MSI2: variants seen among roughly 807,000 people sequenced by gnomAD.
MSI2 encodes RNA-binding protein Musashi homolog 2.
In MSI2, 17 loss-of-function variants were observed where a neutral mutation model predicts 45.6. That is an observed-to-expected ratio of 0.37 (90% CI 0.26 to 0.56). The LOEUF is 0.56. Ranked by LOEUF, MSI2 falls within the 20% of genes least tolerant of loss-of-function variation. The probability of loss-of-function intolerance (pLI) is 0.77; values close to 1 mark genes in which losing one functional copy is unlikely to be tolerated. For missense variants in MSI2, 293 were observed against 444.2 expected, an observed-to-expected ratio of 0.66 and a Z score of 3.06; for synonymous variants, 156 against 158.2, an observed-to-expected ratio of 0.99 and a Z score of 0.11.
At chr17:57,309,710 T>G (rs1195684549) in intron 5 of MSI2, among the ~76,000 whole-genome samples, 1 of 152,206 alleles carries the variant, frequency 6.6e-6, no homozygotes. Context: ...CGTGTCAGTT[T>G]CCTGAGATCC....
intron 6 of MSI2, among the ~76,000 whole-genome samples, chr17:57,496,119 G>A (rs1422436966): frequency 6.6e-6 from 1 of 152,162 alleles, no homozygotes; most frequent in African/African-American, 2.4e-5. Flanking sequence ...ACAGAGATCT[G>A]GGGCTTAATT....
At chr17:57,469,531 G>T (rs184062293) in intron 6 of MSI2, among the ~76,000 whole-genome samples, 7 of 152,320 alleles carry the variant, frequency 4.6e-5, no homozygotes, top group Admixed American at 3.9e-4. Flanking sequence ...TGTGGTTGGA[G>T]GTGAGGAAAG....
At chr17:57,269,240 A>T (rs1908124156) in intron 5 of MSI2, among the ~76,000 whole-genome samples, 1 of 152,172 alleles carries the variant, frequency 6.6e-6, no homozygotes, top group African/African-American at 2.4e-5. Flanking sequence ...TGAGGCTTGC[A>T]AAGTAGGTTG....
Position 57,683,886 on chromosome 17 carries a change from T to C in MSI2, c.*4369T>C, listed in dbSNP as rs1913766006. ...CACTACACAAGGAGACGCTGGAAGT[T>C]AAGCAATACTTTAATACTGTAATAT... is the stretch of plus-strand genomic sequence containing the variant. On this transcript the variant is annotated 3_prime_UTR_variant, in exon 14 of 14. Coordinates refer to ENST00000284073, the MANE Select transcript of MSI2 (RefSeq NM_138962.4). The surrounding 1 kb of genome is among the most constrained non-coding windows in gnomAD (Gnocchi z 5.2). The C allele has an allele frequency of 4.3e-6, 1 of 231,618 alleles. No individual in the cohort carries two copies. Among genetic ancestry groups the C allele is most frequent in the Non-Finnish European group, 8.5e-6 (1 of 117,102 alleles). 14.3% of individuals were successfully genotyped at this position (231,618 alleles called of 1,614,324 possible).
chr17:57,330,319 C>G (rs1472336319), intron 5 of MSI2, among the ~76,000 whole-genome samples: 1 of 150,168 alleles, frequency 6.7e-6, no homozygotes, highest in Non-Finnish European at 1.5e-5. Flanking sequence ...GAGTCTCACT[C>G]TGTTGTCCAG....
intron 5 of MSI2, among the ~76,000 whole-genome samples, chr17:57,296,175 CT>C (rs1910939935): frequency 6.6e-6 from 1 of 151,490 alleles, no homozygotes. Flanking sequence ...GTTGGTTGCC[CT>C]GAGATTATTA....
In MSI2 at chr17:57,355,841, A is replaced by G. The variant is rs556556750; in HGVS notation, c.313-45538A>G. Among the ~76,000 whole-genome samples, 3 of 152,334 alleles carry G rather than the reference A, an allele frequency of 2.0e-5. No individual in the cohort carries two copies. In the South Asian group the frequency reaches 6.2e-4, roughly 32 times the overall value. On this transcript the variant is annotated intron_variant, in intron 5 of 13. Transcript: ENST00000284073. ...GCATCAACTAAGATATCCATCAAAT[A>G]CTTTGGAAGATGTAAAGTGGCATTT...
chr17:57,532,652 A>T (rs2086845434), intron 7 of MSI2, among the ~76,000 whole-genome samples: 1 of 152,264 alleles, frequency 6.6e-6, no homozygotes, highest in South Asian at 2.1e-4. Flanking sequence ...AGCACAAGGA[A>T]GTAAAATCCT....
At chr17:57,313,375 G>A (rs1005656665) in intron 5 of MSI2, among the ~76,000 whole-genome samples, 3 of 152,170 alleles carry the variant, frequency 2.0e-5, no homozygotes, top group African/African-American at 7.2e-5. Context: ...TTTAGTCACC[G>A]CTGCCTTTTG....
At chr17:57,490,831 A>G (rs777463475) in intron 6 of MSI2, among the ~76,000 whole-genome samples, 7 of 152,230 alleles carry the variant, frequency 4.6e-5, no homozygotes, top group Non-Finnish European at 8.8e-5. Context: ...TGAGTAGCTG[A>G]CATGCCTTCT....
intron 5 of MSI2, among the ~76,000 whole-genome samples, chr17:57,369,828 T>C (rs1028312487): frequency 3.3e-5 from 5 of 152,216 alleles, no homozygotes; most frequent in African/African-American, 1.2e-4. Flanking sequence ...AATCCTGGTG[T>C]TCAGGCCTCA....
At chr17:57,589,340 A>T (rs187310202) in intron 7 of MSI2, among the ~76,000 whole-genome samples, 5 of 152,124 alleles carry the variant, frequency 3.3e-5, no homozygotes, top group Admixed American at 2.0e-4. Flanking sequence ...GAACATACTG[A>T]TCTTCTGAGT....
At chr17:57,284,899 C>T (rs1283737975) in intron 5 of MSI2, among the ~76,000 whole-genome samples, 1 of 148,130 alleles carries the variant, frequency 6.8e-6, no homozygotes, top group African/African-American at 2.6e-5. Context: ...ATTAAAATGA[C>T]CTTTTTTTTT....
chr17:57,432,207 G>A (rs549337487), intron 6 of MSI2, among the ~76,000 whole-genome samples: 1 of 152,316 alleles, frequency 6.6e-6, no homozygotes, highest in Admixed American at 6.5e-5. Context: ...GGCTTTGGAA[G>A]GGATTTTAGT....
At chr17:57,271,140 G>A (rs1373931210) in intron 5 of MSI2, among the ~76,000 whole-genome samples, 1 of 152,180 alleles carries the variant, frequency 6.6e-6, no homozygotes, top group Non-Finnish European at 1.5e-5. Context: ...CTGCCCGGGG[G>A]TAGCTCTACC....
intron 11 of MSI2, among the ~76,000 whole-genome samples, chr17:57,662,652 G>A (rs1189429807): frequency 2.0e-5 from 3 of 152,218 alleles, no homozygotes; most frequent in African/African-American, 4.8e-5. Flanking sequence ...GCTGAGCCAG[G>A]CTCTGCAACC....
At chr17:57,543,833 T>C (rs1366097067) in intron 7 of MSI2, among the ~76,000 whole-genome samples, 16 of 152,224 alleles carry the variant, frequency 1.1e-4, no homozygotes, top group Non-Finnish European at 1.9e-4. Flanking sequence ...GTATCAACAA[T>C]ACCTAATAAT....
Position 57,504,096 on chromosome 17 carries a change from T to A in MSI2, c.406-25580T>A, listed in dbSNP as rs577470770. Among the ~76,000 whole-genome samples, 50 of 152,174 alleles carry A rather than the reference T, an allele frequency of 3.3e-4. 1 individual carries two copies. Among genetic ancestry groups the A allele is most frequent in the African/African-American group, 1.2e-3 (49 of 41,532 alleles). On this transcript the variant is annotated intron_variant, in intron 6 of 13. Coordinates refer to ENST00000284073, the MANE Select transcript of MSI2 (RefSeq NM_138962.4). The stretch of plus-strand genomic sequence containing the variant: ...TGACCATGGCTCTGACCTCTCAAAT[T>A]CCCCAGACTTTGGTTTCTCCTCCAC...
In MSI2 at chr17:57,544,496, C is replaced by G. The variant is rs189085756; in HGVS notation, c.454+14772C>G. 1.3e-3 allele frequency among the ~76,000 whole-genome samples: 192 copies of G among 152,190 alleles called. 1 individual carries two copies. Among genetic ancestry groups the G allele is most frequent in the African/African-American group, 4.0e-3 (165 of 41,518 alleles). ...CACGGGGTAGGGCGCTGCAGGTAGCCCAGCGAATCTTGCTGCTGCCAGGGC... is the reference window on the plus strand; with the variant it reads ...CACGGGGTAGGGCGCTGCAGGTAGCGCAGCGAATCTTGCTGCTGCCAGGGC... On this transcript the variant is annotated intron_variant, in intron 7 of 13. Transcript: ENST00000284073.
Sources: allele counts gnomAD v4.1 joint callset (sites outside exome capture counted in the v4.1 genomes callset), GRCh38; gene constraint gnomAD v4.1.1; non-coding constraint Gnocchi (gnomAD v3.1); transcripts MANE v1.5; gene names NCBI Gene and HGNC (gene_info 2026-07-23, HGNC 2026-07-21).